PTPRM: variants seen among roughly 807,000 people sequenced by gnomAD.
PTPRM encodes receptor-type tyrosine-protein phosphatase mu.
Under a neutral mutation model 186.7 loss-of-function variants are expected in PTPRM, and 47 were observed. The ratio of observed to expected loss-of-function variants is 0.25; its 90% CI spans 0.20 to 0.32. PTPRM has a LOEUF of 0.32. Ranked by LOEUF, PTPRM falls within the 10% of genes least tolerant of loss-of-function variation. PTPRM has a pLI of 1.00. For synonymous variants in PTPRM, 668 were observed against 674.9 expected, an observed-to-expected ratio of 0.99 and a Z score of 0.16; for missense variants, 1,494 against 1,865.0, an observed-to-expected ratio of 0.80 and a Z score of 3.66.
At chr18:7,924,976 C>G (rs2051085076) in intron 4 of PTPRM, among the ~76,000 whole-genome samples, 1 of 152,098 alleles carries the variant, frequency 6.6e-6, no homozygotes, top group South Asian at 2.1e-4. Flanking sequence ...AGCCAAGTAC[C>G]CATAAGTGTT....
At chr18:8,261,695 A>G (rs1279766058) in intron 19 of PTPRM, among the ~76,000 whole-genome samples, 1 of 152,268 alleles carries the variant, frequency 6.6e-6, no homozygotes, top group East Asian at 1.9e-4. Context: ...ATGACATCAT[A>G]TACAAGCTCA....
intron 2 of PTPRM, among the ~76,000 whole-genome samples, chr18:7,822,022 T>C (rs573409762): frequency 1.4e-4 from 21 of 152,344 alleles, no homozygotes; most frequent in African/African-American, 5.1e-4. Context: ...GACTACTATA[T>C]TGCCACATTA....
intron 14 of PTPRM, among the ~76,000 whole-genome samples, chr18:8,200,330 C>T (rs901765257): frequency 1.3e-5 from 2 of 151,994 alleles, no homozygotes; most frequent in East Asian, 3.9e-4. Context: ...GGATGTGACT[C>T]AGCAGTCATG....
At chr18:7,859,765 G>C (rs146694181) in intron 2 of PTPRM, among the ~76,000 whole-genome samples, 1 of 152,302 alleles carries the variant, frequency 6.6e-6, no homozygotes, top group East Asian at 1.9e-4. Flanking sequence ...TCCCATGGTG[G>C]ACTGTGTGCA....
In PTPRM at chr18:8,284,600, A is replaced by T. The variant is rs556225981; in HGVS notation, c.2755-11768A>T. ...GCCTCTACTAAAAATTAAAAAAAAA[A>T]TTAGCTAGGTATAGTGGCACATGCC... On this transcript the variant is annotated intron_variant, in intron 19 of 32. Transcript: ENST00000580170. 2.0e-5 allele frequency among the ~76,000 whole-genome samples: 3 copies of T among 151,894 alleles called. No homozygotes were observed. In the East Asian group the frequency reaches 5.8e-4, roughly 29 times the overall value.
intron 23 of PTPRM, among the ~76,000 whole-genome samples, chr18:8,350,004 CAG>C (rs1225493161): frequency 6.6e-6 from 1 of 152,204 alleles, no homozygotes; most frequent in East Asian, 1.9e-4. Context: ...GTGAAGGAAA[CAG>C]AGTTACCTAC....
Position 8,374,974 on chromosome 18 carries a change from A to G in PTPRM, c.3172-1072A>G, listed in dbSNP as rs182200662. ...ACCAAATGCAGAAATGGTTCAGAAA[A>G]TGATCATGGAATGAGAGAAGGAAGA... On this transcript the variant is annotated intron_variant, in intron 24 of 32. Transcript: ENST00000580170. 1.6e-4 allele frequency among the ~76,000 whole-genome samples: 25 copies of G among 152,372 alleles called. No homozygotes were observed. The East Asian group carries it at 3.9e-3, about 23-fold the overall frequency.
At chr18:7,629,930 G>A (rs1274111124) in intron 1 of PTPRM, among the ~76,000 whole-genome samples, 2 of 152,144 alleles carry the variant, frequency 1.3e-5, no homozygotes, top group African/African-American at 4.8e-5. Context: ...GAATGACAAG[G>A]GGACATGAGG....
intron 19 of PTPRM, among the ~76,000 whole-genome samples, chr18:8,286,895 CA>C (rs1243858868): frequency 1.3e-5 from 2 of 150,878 alleles, no homozygotes; most frequent in African/African-American, 2.4e-5. Context: ...TAATAGGTGT[CA>C]AAAAAAGAGT....
At chr18:7,995,174 AACTAACAAC>A (rs1167186140) in intron 7 of PTPRM, among the ~76,000 whole-genome samples, 1 of 152,144 alleles carries the variant, frequency 6.6e-6, no homozygotes, top group Non-Finnish European at 1.5e-5. Flanking sequence ...TATTAGGAAC[AACTAACAAC>A]AACAGATTCC....
intron 7 of PTPRM, among the ~76,000 whole-genome samples, chr18:7,980,936 C>T (rs532282660): frequency 2.0e-5 from 3 of 152,160 alleles, no homozygotes; most frequent in East Asian, 1.9e-4. Context: ...GTTGAGCCAT[C>T]GAAGGCACTC....
intron 14 of PTPRM, among the ~76,000 whole-genome samples, chr18:8,196,459 C>T (rs146544868): frequency 2.3e-4 from 35 of 152,282 alleles, no homozygotes; most frequent in African/African-American, 8.2e-4. Context: ...GGAGGTGCTG[C>T]GCAGGTCAGC....
At chr18:8,353,720 A>T (rs946307069) in intron 23 of PTPRM, among the ~76,000 whole-genome samples, 1 of 118,362 alleles carries the variant, frequency 8.4e-6, no homozygotes, top group Non-Finnish European at 1.7e-5. Flanking sequence ...TGAGTTTAAG[A>T]AGCTGAATGA....
intron 3 of PTPRM, among the ~76,000 whole-genome samples, chr18:7,893,173 C>T (rs1173598787): frequency 1.3e-5 from 2 of 151,978 alleles, no homozygotes; most frequent in African/African-American, 4.8e-5. Flanking sequence ...TTGTGCTTTC[C>T]TTTTTTTTCT....
chr18:7,631,714 T>C (rs908195714), intron 1 of PTPRM, among the ~76,000 whole-genome samples: 3 of 152,178 alleles, frequency 2.0e-5, no homozygotes, highest in African/African-American at 7.2e-5. Flanking sequence ...AAGACAATTA[T>C]TCTTCTTCCA....
In PTPRM at chr18:8,021,160, A is replaced by T. The variant is rs139299179; in HGVS notation, c.1133-48526A>T. Among the ~76,000 whole-genome samples the T allele has an allele frequency of 8.2e-3, 1,252 of 152,148 alleles. 7 individuals are homozygous for T. The highest frequency in any genetic ancestry group is 0.034 in the South Asian group (162 of 4,810). ...GCTCTGTTAGAAAATTATGTTGGAA[A>T]ATACTCTGTGTACTTGGCGACAAGC... is the stretch of plus-strand genomic sequence containing the variant. On this transcript the variant is annotated intron_variant, in intron 7 of 32. Transcript: ENST00000580170.
chr18:8,017,060 C>T (rs143929237), intron 7 of PTPRM, among the ~76,000 whole-genome samples: 19 of 152,212 alleles, frequency 1.2e-4, no homozygotes, highest in African/African-American at 2.6e-4. Flanking sequence ...AAATTACATA[C>T]GAGTGGGGTA....
chr18:8,219,481 T>G (rs186707237), intron 14 of PTPRM, among the ~76,000 whole-genome samples: 1 of 151,692 alleles, frequency 6.6e-6, no homozygotes, highest in East Asian at 1.9e-4. Flanking sequence ...AAAAAAAAAC[T>G]TATTCTGAGT....
intron 1 of PTPRM, among the ~76,000 whole-genome samples, chr18:7,613,757 T>A (rs1186015107): frequency 6.6e-6 from 1 of 152,196 alleles, no homozygotes; most frequent in Non-Finnish European, 1.5e-5. Context: ...TTGATTCCAG[T>A]GCAAGGAAAA....
Sources: gnomAD v4.1 joint callset for allele counts (sites outside exome capture counted in the v4.1 genomes callset) on GRCh38, gnomAD v4.1.1 for gene constraint, MANE v1.5 for transcripts, NCBI Gene and HGNC (gene_info 2026-07-23, HGNC 2026-07-21) for gene names.